The following GALNT13 variants were observed in gnomAD, a reference collection of about 807,000 sequenced individuals.
GALNT13 encodes UDP-GalNAc:polypeptide N-acetylgalactosaminyltransferase 13.
GALNT13 carries 28 observed loss-of-function variants against 64.2 expected under a neutral mutation model. The ratio of observed to expected loss-of-function variants is 0.44; its 90% CI spans 0.32 to 0.60. The LOEUF is 0.60. Among genes scored for constraint, GALNT13 ranks in the 20% least tolerant of loss-of-function variants. The probability of loss-of-function intolerance (pLI) is 0.05; values close to 1 mark genes in which losing one functional copy is unlikely to be tolerated. For synonymous variants in GALNT13, 214 were observed against 224.6 expected (o/e 0.95, Z 0.42); for missense variants, 577 against 669.8 (o/e 0.86, Z 1.53).
chr2:153,475,404 G>A, the GALNT13 span, among the ~76,000 whole-genome samples: 3 of 152,150 alleles, frequency 2.0e-5, no homozygotes, highest in Non-Finnish European at 2.9e-5. Context: ...CAATTTCTGG[G>A]GGTGAGAGAA....
chr2:154,211,909 T>G (rs1573885877), intron 4 of GALNT13, among the ~76,000 whole-genome samples: 1 of 151,862 alleles, frequency 6.6e-6, no homozygotes, highest in East Asian at 1.9e-4. Context: ...AAAAGTAAAC[T>G]AAGAAGAAAT....
the GALNT13 span, among the ~76,000 whole-genome samples, chr2:153,316,525 C>T: frequency 3.3e-5 from 5 of 150,776 alleles, no homozygotes; most frequent in Non-Finnish European, 7.4e-5. Flanking sequence ...CCTGTAATCC[C>T]AGCTACTTGG....
At chr2:153,297,920 A>G in the GALNT13 span, among the ~76,000 whole-genome samples, 2 of 152,292 alleles carry the variant, frequency 1.3e-5, no homozygotes, top group East Asian at 1.9e-4. Flanking sequence ...AACAAATCCA[A>G]TGGAGAGAGA....
chr2:153,843,184 C>G, the GALNT13 span, among the ~76,000 whole-genome samples: 9 of 152,156 alleles, frequency 5.9e-5, no homozygotes, highest in Non-Finnish European at 1.3e-4. Context: ...CTATAATTGG[C>G]TCATGAGTCT....
the GALNT13 span, among the ~76,000 whole-genome samples, chr2:153,682,533 A>G: frequency 1.3e-5 from 2 of 151,694 alleles, no homozygotes; most frequent in Non-Finnish European, 3.0e-5. Context: ...GACAGTCATA[A>G]CACCTGCTCT....
the GALNT13 span, among the ~76,000 whole-genome samples, chr2:153,663,019 C>T: frequency 6.6e-6 from 1 of 151,996 alleles, no homozygotes; most frequent in Non-Finnish European, 1.5e-5. Flanking sequence ...ATACAGAATC[C>T]ACAAAGGGAG....
intron 2 of GALNT13, among the ~76,000 whole-genome samples, chr2:153,933,471 G>T (rs1008656303): frequency 3.3e-5 from 5 of 152,042 alleles, no homozygotes; most frequent in African/African-American, 1.2e-4. Flanking sequence ...CATGTGAGAT[G>T]GTTCTCCTGA....
the GALNT13 span, among the ~76,000 whole-genome samples, chr2:153,772,494 GC>G: frequency 5.8e-4 from 88 of 152,268 alleles, no homozygotes; most frequent in African/African-American, 1.9e-3. Context: ...TCACGGGGCT[GC>G]TTGCCCACTT....
the GALNT13 span, among the ~76,000 whole-genome samples, chr2:153,467,456 C>T: frequency 1.3e-5 from 2 of 152,068 alleles, no homozygotes; most frequent in Non-Finnish European, 2.9e-5. Context: ...GTCCATCCTT[C>T]ACCAAAAGAA....
At chr2:153,848,097 C>A in the GALNT13 span, among the ~76,000 whole-genome samples, 7 of 152,290 alleles carry the variant, frequency 4.6e-5, no homozygotes, top group East Asian at 1.4e-3. Context: ...CAAGACAATT[C>A]TCTGAAAAAG....
chr2:154,028,386 T>G (rs1698120676), intron 3 of GALNT13, among the ~76,000 whole-genome samples: 1 of 152,130 alleles, frequency 6.6e-6, no homozygotes, highest in Non-Finnish European at 1.5e-5. Context: ...GTTGATTGTT[T>G]TCTTTTGTTA....
intron 4 of GALNT13, among the ~76,000 whole-genome samples, chr2:154,187,783 A>G (rs1400774132): frequency 2.0e-5 from 3 of 152,136 alleles, no homozygotes; most frequent in Non-Finnish European, 4.4e-5. Context: ...AAATATTAAA[A>G]TGGCATTTTT....
chr2:153,913,699 C>A (rs559982981), intron 2 of GALNT13, among the ~76,000 whole-genome samples: 1 of 152,148 alleles, frequency 6.6e-6, no homozygotes, highest in African/African-American at 2.4e-5. Context: ...CTCCTACTTT[C>A]TGCAGGAGTT....
the GALNT13 span, among the ~76,000 whole-genome samples, chr2:153,192,764 T>C: frequency 1.4e-4 from 21 of 152,262 alleles, no homozygotes; most frequent in African/African-American, 4.3e-4. Context: ...TTTGTCTCTT[T>C]TTACTGTTTT....
chr2:153,490,010 CAA>C, the GALNT13 span, among the ~76,000 whole-genome samples: 1 of 148,586 alleles, frequency 6.7e-6, no homozygotes. Flanking sequence ...CACACACACA[CAA>C]ACACACAATA....
chr2:153,330,565 C>A, the GALNT13 span, among the ~76,000 whole-genome samples: 1 of 151,496 alleles, frequency 6.6e-6, no homozygotes, highest in Non-Finnish European at 1.5e-5. Flanking sequence ...TGACTCTAAG[C>A]TTGAACATTA....
chr2:154,268,390 G>C (rs1471558856), intron 8 of GALNT13, among the ~76,000 whole-genome samples: 1 of 152,150 alleles, frequency 6.6e-6, no homozygotes, highest in Non-Finnish European at 1.5e-5. Context: ...CAGATAACTT[G>C]TCTGGGGACA....
intron 12 of GALNT13, chr2:154,445,963 G>C: frequency 2.1e-6 from 1 of 477,928 alleles, no homozygotes; most frequent in Non-Finnish European, 3.8e-6. Context: ...ATTAGATTAA[G>C]AGTTAATCTT....
rs557434480 is a variant in GALNT13 at position 154,199,678 on chromosome 2, A to G, written c.312-42352A>G. On this transcript the variant is annotated intron_variant, in intron 4 of 12. Transcript: ENST00000392825. ...TTAGAATTTATCTATTAGTAAAAAA[A>G]CAGTCTTATAATTATGTCATAAAAT... Among the ~76,000 whole-genome samples, 12 of 152,176 alleles carry G rather than the reference A, an allele frequency of 7.9e-5. No homozygotes were observed. The East Asian group carries it at 2.3e-3, about 29-fold the overall frequency.
Sources: gnomAD v4.1 joint callset for allele counts (sites outside exome capture counted in the v4.1 genomes callset) on GRCh38, gnomAD v4.1.1 for gene constraint, MANE v1.5 for transcripts, NCBI Gene and HGNC (gene_info 2026-07-23, HGNC 2026-07-21) for gene names.